The following RBM47 variants were observed in gnomAD, a reference collection of about 807,000 sequenced individuals.
RBM47 encodes RNA-binding protein 47.
Under a neutral mutation model 47.1 loss-of-function variants are expected in RBM47, and 21 were observed. That is an observed-to-expected ratio of 0.45 (90% CI 0.32 to 0.64). The LOEUF is 0.64. RBM47 is among the 30% of genes least tolerant of loss of function. RBM47 has a pLI of 0.05. For missense variants in RBM47, 708 were observed against 870.9 expected, an observed-to-expected ratio of 0.81 and a Z score of 2.35; for synonymous variants, 375 against 361.7, an observed-to-expected ratio of 1.04 and a Z score of -0.42.
At chr4:40,593,529 A>C (rs1176371050) in intron 1 of RBM47, among the ~76,000 whole-genome samples, 1 of 152,092 alleles carries the variant, frequency 6.6e-6, no homozygotes, top group African/African-American at 2.4e-5. Context: ...TGAGGTCGGA[A>C]GTTAAAGACC....
chr4:40,544,863 G>A (rs1215327060), intron 1 of RBM47, among the ~76,000 whole-genome samples: 1 of 151,924 alleles, frequency 6.6e-6, no homozygotes, highest in East Asian at 1.9e-4. Flanking sequence ...TTAAGCCCAG[G>A]AATTTGAGAC....
At chr4:40,626,285 C>T (rs537906830) in intron 1 of RBM47, among the ~76,000 whole-genome samples, 1 of 152,194 alleles carries the variant, frequency 6.6e-6, no homozygotes, top group Non-Finnish European at 1.5e-5. Flanking sequence ...AGAGGAAAGG[C>T]AGACAGTGGG....
At chr4:40,528,286 G>A (rs1322010348) in intron 2 of RBM47, among the ~76,000 whole-genome samples, 1 of 152,124 alleles carries the variant, frequency 6.6e-6, no homozygotes. Flanking sequence ...TGGCACGCCT[G>A]TAGTCCCAGC....
intron 2 of RBM47, among the ~76,000 whole-genome samples, chr4:40,504,608 A>C (rs563004228): frequency 1.4e-4 from 21 of 151,740 alleles, no homozygotes; most frequent in Non-Finnish European, 2.4e-4. Context: ...TGTTGTTTTA[A>C]TTTGCAGGTT....
At chr4:40,522,833 T>C (rs180695442) in intron 2 of RBM47, among the ~76,000 whole-genome samples, 15 of 152,232 alleles carry the variant, frequency 9.9e-5, no homozygotes, top group African/African-American at 2.6e-4. Flanking sequence ...AACATTTTCA[T>C]AAAAAATGAG....
intron 1 of RBM47, among the ~76,000 whole-genome samples, chr4:40,572,371 A>G (rs1731814294): frequency 6.6e-6 from 1 of 151,994 alleles, no homozygotes; most frequent in Non-Finnish European, 1.5e-5. Flanking sequence ...CATCTCAAAA[A>G]AAAAAAGGCA....
chr4:40,527,955 T>C (rs1273470265), intron 2 of RBM47, among the ~76,000 whole-genome samples: 3 of 152,162 alleles, frequency 2.0e-5, no homozygotes, highest in African/African-American at 4.8e-5. Context: ...GCCAGAAACT[T>C]GTTTTCGTAT....
chr4:40,574,266 A>G (rs560449643), intron 1 of RBM47, among the ~76,000 whole-genome samples: 1 of 152,378 alleles, frequency 6.6e-6, no homozygotes, highest in South Asian at 2.1e-4. Context: ...GGGTAAAACT[A>G]GTACCATGAG....
At chr4:40,523,680 G>A (rs1196169018) in intron 2 of RBM47, among the ~76,000 whole-genome samples, 8 of 151,478 alleles carry the variant, frequency 5.3e-5, no homozygotes, top group African/African-American at 1.9e-4. Context: ...CCAGGGTGAC[G>A]TGGTGAAACC....
chr4:40,446,681 G>A (rs1219035055), intron 3 of RBM47, among the ~76,000 whole-genome samples: 1 of 142,944 alleles, frequency 7.0e-6, no homozygotes, highest in Non-Finnish European at 1.5e-5. Context: ...CAAGGCTGCA[G>A]TGAGCTATGA....
intron 1 of RBM47, among the ~76,000 whole-genome samples, chr4:40,600,511 G>T (rs1305255008): frequency 6.6e-6 from 1 of 151,418 alleles, no homozygotes; most frequent in East Asian, 2.0e-4. Context: ...GCGGGCGCCT[G>T]TAGTCCCAGC....
intron 1 of RBM47, among the ~76,000 whole-genome samples, chr4:40,566,588 T>C (rs530633697): frequency 1.3e-5 from 2 of 152,076 alleles, no homozygotes; most frequent in East Asian, 3.9e-4. Flanking sequence ...GAGGTTGCAG[T>C]GAGCTGAGAT....
chr4:40,501,570 G>A (rs913170655), intron 2 of RBM47, among the ~76,000 whole-genome samples: 14 of 152,182 alleles, frequency 9.2e-5, no homozygotes, highest in Non-Finnish European at 2.1e-4. Flanking sequence ...TGCAAACAAG[G>A]AATTATTTCA....
chr4:40,449,072 G>C (rs1474823915), intron 3 of RBM47, among the ~76,000 whole-genome samples: 1 of 152,186 alleles, frequency 6.6e-6, no homozygotes, highest in Non-Finnish European at 1.5e-5. Flanking sequence ...CCACTCTCGG[G>C]CAGGCCCCTG....
At chr4:40,456,428 T>C (rs1433649916) in intron 3 of RBM47, among the ~76,000 whole-genome samples, 6 of 152,128 alleles carry the variant, frequency 3.9e-5, no homozygotes, top group African/African-American at 1.4e-4. Context: ...AAATTTCCTG[T>C]GTTGTTAAGA....
intron 3 of RBM47, among the ~76,000 whole-genome samples, chr4:40,440,804 G>T (rs1415468243): frequency 3.9e-5 from 6 of 152,108 alleles, no homozygotes. Context: ...AAGTTTAGAG[G>T]AGTGAGTTAA....
At position 40,576,174 on chromosome 4, in the gene RBM47, C is replaced by T. The variant is rs10012318; in HGVS notation, c.-239-31668G>A. On this transcript the variant is annotated intron_variant, in intron 1 of 6. Coordinates refer to ENST00000295971, the MANE Select transcript of RBM47 (RefSeq NM_001098634.2). Reference sequence around the variant, plus strand: ...TCCTTGAGAAAGGATCCCTTACATGCTTTCCCTTATCTTTCCCAGATTATG... The same window carrying T: ...TCCTTGAGAAAGGATCCCTTACATGTTTTCCCTTATCTTTCCCAGATTATG... 6.0e-3 allele frequency among the ~76,000 whole-genome samples: 900 copies of T among 151,206 alleles called. 7 individuals are homozygous for T. Among genetic ancestry groups the T allele is most frequent in the African/African-American group, 0.02 (827 of 41,022 alleles).
At chr4:40,453,926 A>ATGATAG (rs1715837196) in intron 3 of RBM47, among the ~76,000 whole-genome samples, 1 of 152,172 alleles carries the variant, frequency 6.6e-6, no homozygotes, top group East Asian at 1.9e-4. Context: ...ATGATAGTTA[A>ATGATAG]CTATTTTTTT....
At chr4:40,486,069 C>CAAAAAAAAAAAAAAA (rs201408070) in intron 2 of RBM47, among the ~76,000 whole-genome samples, 2 of 62,836 alleles carry the variant, frequency 3.2e-5, no homozygotes, top group African/African-American at 9.9e-5. Flanking sequence ...AACCCTGTTT[C>CAAAAAAAAAAAAAAA]AAAAAAAAAA....
Sources: allele counts gnomAD v4.1 joint callset (sites outside exome capture counted in the v4.1 genomes callset), GRCh38; gene constraint gnomAD v4.1.1; transcripts MANE v1.5; gene names NCBI Gene and HGNC (gene_info 2026-07-23, HGNC 2026-07-21).